POLR2B: variants seen among roughly 807,000 people sequenced by gnomAD.
POLR2B encodes the protein RNA polymerase II subunit B.
In POLR2B, 57 loss-of-function variants were observed where a neutral mutation model predicts 144.6. That is an observed-to-expected ratio of 0.39 (90% CI 0.32 to 0.49). POLR2B has a LOEUF of 0.49. Among genes scored for constraint, POLR2B ranks in the 20% least tolerant of loss-of-function variants. The pLI is 0.83. For synonymous variants in POLR2B, 442 were observed against 469.8 expected, an observed-to-expected ratio of 0.94 and a Z score of 0.77; for missense variants, 595 against 1,467.4, an observed-to-expected ratio of 0.41 and a Z score of 9.71.
At chr4:57,011,128 G>C in intron 13 of POLR2B, 28 bp downstream of exon 13, 1 of 1,417,406 alleles carries the variant, frequency 7.1e-7, no homozygotes, top group South Asian at 1.2e-5. Context: ...AGAGGGTGTG[G>C]ACTGTGAGAT....
chr4:57,002,364 G>A (rs1722880776), intron 7 of POLR2B, among the ~76,000 whole-genome samples: 1 of 152,076 alleles, frequency 6.6e-6, no homozygotes, highest in Admixed American at 6.6e-5. Context: ...TGAAAAATAT[G>A]ATATGCTTTA....
At chr4:57,002,121 G>A (rs547752294) in intron 7 of POLR2B, among the ~76,000 whole-genome samples, 1 of 152,172 alleles carries the variant, frequency 6.6e-6, no homozygotes, top group South Asian at 2.1e-4. Flanking sequence ...TCGACTTCCC[G>A]GGCACCAGTA....
chr4:56,984,032 T>G (rs1722240944), intron 1 of POLR2B, among the ~76,000 whole-genome samples: 1 of 151,744 alleles, frequency 6.6e-6, no homozygotes, highest in Non-Finnish European at 1.5e-5. Context: ...GCCTGGCTAA[T>G]TTTTGTATTT....
chr4:57,012,663 G>T (rs1410876118), intron 13 of POLR2B, among the ~76,000 whole-genome samples: 2 of 150,078 alleles, frequency 1.3e-5, no homozygotes, highest in Non-Finnish European at 3.0e-5. Flanking sequence ...GTGTTTTTTT[G>T]TTATTGTTGT....
At chr4:56,980,833 C>G (rs1313024362) in intron 1 of POLR2B, among the ~76,000 whole-genome samples, 1 of 147,994 alleles carries the variant, frequency 6.8e-6, no homozygotes, top group Non-Finnish European at 1.5e-5. Context: ...TTTTGATGGT[C>G]TTGCTCTGTT....
chr4:57,017,347 G>A lies in POLR2B; in HGVS notation c.2154+106G>A. ...GAGGGAAAAAGCCTTTTAATGAAAAGGCTATTAACTCCTACGGAATCAGTA... is the reference window on the plus strand; with the variant it reads ...GAGGGAAAAAGCCTTTTAATGAAAAAGCTATTAACTCCTACGGAATCAGTA... On this transcript the variant is annotated intron_variant, in intron 15 of 24. Coordinates refer to ENST00000314595, the MANE Select transcript of POLR2B (RefSeq NM_000938.3). This position sits in a 1 kb window ranked among gnomAD's most constrained non-coding sequence, Gnocchi z 4.8. 1.2e-6 allele frequency: 1 copy of A among 864,498 alleles called. No homozygotes were observed. The highest frequency in any genetic ancestry group is 1.8e-6 in the Non-Finnish European group (1 of 542,442). 53.6% of individuals were successfully genotyped at this position (864,498 alleles called of 1,614,324 possible).
intron 7 of POLR2B, chr4:57,002,922 G>A (rs1392038457): frequency 2.0e-5 from 3 of 152,118 alleles, no homozygotes; most frequent in African/African-American, 7.2e-5. Context: ...TAAGATCAGA[G>A]GGCACTTACA....
At chr4:56,983,884 T>G (rs1282653936) in intron 1 of POLR2B, among the ~76,000 whole-genome samples, 5 of 151,308 alleles carry the variant, frequency 3.3e-5, no homozygotes, top group African/African-American at 7.3e-5. Flanking sequence ...TTTTTTTTTT[T>G]TAGACAGGGT....
At position 56,995,371 on chromosome 4, in the gene POLR2B, A is replaced by G. The variant is rs1039830603; in HGVS notation, c.697A>G (p.Ser233Gly). 2 of 1,612,374 alleles carry G rather than the reference A, an allele frequency of 1.2e-6. No individual in the cohort carries two copies. Among genetic ancestry groups the G allele is most frequent in the South Asian group, 1.1e-5 (1 of 90,998 alleles). Residue 233 changes from serine to glycine, a missense_variant, in exon 6 of 25, where the codon AGT (serine) becomes GGT (glycine). Ser to Gly is a moderately conservative substitution (Grantham distance 56, BLOSUM62 0). Around this residue, in one of 9 missense-constraint regions of POLR2B, gnomAD observed 251 missense variants for 567.3 expected, o/e 0.44. Coordinates refer to ENST00000314595, the MANE Select transcript of POLR2B (RefSeq NM_000938.3). ...SCLENSSRPTSTIWVSMLARG... is the reference protein window; with the variant it reads ...SCLENSSRPTGTIWVSMLARG... ...TCTTGAGAATTCTTCCCGACCCACC[A>G]GTACTATATGGGTTAGCATGCTGGC...
intron 3 of POLR2B, among the ~76,000 whole-genome samples, chr4:56,992,890 T>C (rs1311608824): frequency 6.6e-6 from 1 of 152,092 alleles, no homozygotes; most frequent in Non-Finnish European, 1.5e-5. Context: ...AACCCGATTG[T>C]TGAAAGCTTT....
At position 57,007,911 on chromosome 4, in the gene POLR2B, C is replaced by T. The variant is rs183678719; in HGVS notation, c.1404+909C>T. ...TACCAGTATCACCTGATTGATTTGG[C>T]ATTCGGACACCAATTTCAAGCTCCT... On this transcript the variant is annotated intron_variant, in intron 10 of 24. Transcript: ENST00000314595. Among the ~76,000 whole-genome samples the T allele has an allele frequency of 7.0e-3, 1,073 of 152,282 alleles. 7 individuals are homozygous for T. The highest frequency in any genetic ancestry group is 0.01 in the Non-Finnish European group (693 of 68,020).
At chr4:57,020,770 G>T (rs1723516694) in intron 16 of POLR2B, 129 bp from the exon 17 acceptor site, 3 of 707,168 alleles carry the variant, frequency 4.2e-6, no homozygotes, top group African/African-American at 1.8e-5. Context: ...ATAGACTTTG[G>T]CAGTTACCAT....
At chr4:56,994,145 CT>C (rs1722607236) in intron 3 of POLR2B, among the ~76,000 whole-genome samples, 2 of 152,144 alleles carry the variant, frequency 1.3e-5, no homozygotes, top group South Asian at 4.2e-4. Context: ...TGTTACAAAC[CT>C]TGTTAGCACA....
intron 13 of POLR2B, among the ~76,000 whole-genome samples, chr4:57,012,141 A>G (rs1378704654): frequency 6.6e-6 from 1 of 152,178 alleles, no homozygotes; most frequent in Non-Finnish European, 1.5e-5. Context: ...CTGGTGGCTC[A>G]TGCCTGTAAT....
At chr4:56,979,132 C>G (rs942973595) in intron 1 of POLR2B, 128 bp downstream of exon 1, 4 of 980,196 alleles carry the variant, frequency 4.1e-6, no homozygotes, top group Admixed American at 3.7e-5. Context: ...TGTTCCCACA[C>G]TTACCAGGCC....
chr4:57,023,769 C>T lies in POLR2B; in HGVS notation c.2856+18C>T. The T allele has an allele frequency of 6.9e-7, 1 of 1,440,218 alleles. No homozygotes were observed. Among genetic ancestry groups the T allele is most frequent in the Non-Finnish European group, 9.6e-7 (1 of 1,045,836 alleles). 89.2% of individuals were successfully genotyped at this position (1,440,218 alleles called of 1,614,324 possible). On this transcript the variant is annotated intron_variant, in intron 20 of 24. Coordinates refer to ENST00000314595, the MANE Select transcript of POLR2B (RefSeq NM_000938.3). This position sits in a 1 kb window ranked among gnomAD's most constrained non-coding sequence, Gnocchi z 4.3. ...GACAAGAGGTAGGTATCTTTGATCTCCCTCATGCCCAAACCAGTTTTGTTA... is the reference window on the plus strand; with the variant it reads ...GACAAGAGGTAGGTATCTTTGATCTTCCTCATGCCCAAACCAGTTTTGTTA...
At chr4:57,021,165 A>G (rs1472191841) in intron 17 of POLR2B, among the ~76,000 whole-genome samples, 170 bp downstream of exon 17, 2 of 150,264 alleles carry the variant, frequency 1.3e-5, no homozygotes, top group Admixed American at 6.9e-5. Flanking sequence ...AGGATTTTCA[A>G]ATGCTAGTAT....
At position 57,015,576 on chromosome 4, in the gene POLR2B, T is replaced by C; in HGVS notation, c.1875T>C (p.Leu625=). The C allele has an allele frequency of 6.6e-7, 1 of 1,515,736 alleles. No individual in the cohort carries two copies. 93.9% of individuals were successfully genotyped at this position (1,515,736 alleles called of 1,614,324 possible). The change falls in exon 14 of 25, where the codon CTT becomes CTC. Residue 625 remains leucine, a synonymous_variant. Coordinates refer to ENST00000314595, the MANE Select transcript of POLR2B (RefSeq NM_000938.3). ...YTDAGRICRP[L]LIVEKQKLLL... ...ATGCAGGCCGTATTTGTAGACCACT[T>C]CTGATTGTGGAAAAACAAAAGCTAC...
intron 1 of POLR2B, among the ~76,000 whole-genome samples, chr4:56,983,138 C>T (rs1221940813): frequency 6.6e-6 from 1 of 152,206 alleles, no homozygotes; most frequent in African/African-American, 2.4e-5. Context: ...CTGCTAAACT[C>T]ATATCTCTTG....
Sources: gnomAD v4.1 joint callset for allele counts (sites outside exome capture counted in the v4.1 genomes callset) on GRCh38, gnomAD v4.1.1 for gene constraint, gnomAD v4.1.1 regional missense constraint, Gnocchi (gnomAD v3.1) non-coding constraint, MANE v1.5 for transcripts, NCBI Gene and HGNC (gene_info 2026-07-23, HGNC 2026-07-21) for gene names.